The following PDXDC1 variants were observed in gnomAD, a reference collection of about 807,000 sequenced individuals.
PDXDC1 encodes pyridoxal-dependent decarboxylase domain-containing protein 1.
Under a neutral mutation model 100.1 loss-of-function variants are expected in PDXDC1, and 42 were observed. The observed-to-expected ratio is 0.42, with a 90% CI of 0.33 to 0.54. PDXDC1 has a LOEUF of 0.54. Among genes scored for constraint, PDXDC1 ranks in the 20% least tolerant of loss-of-function variants. PDXDC1 has a pLI of 0.10. For synonymous variants in PDXDC1, 260 were observed against 371.7 expected (o/e 0.70, Z 3.46); for missense variants, 636 against 979.2 (o/e 0.65, Z 4.68).
chr16:15,073,066 C>T lies in PDXDC1; in HGVS notation c.1399+43010C>T, dbSNP rs374353637. 5.6e-6 allele frequency: 9 copies of T among 1,610,094 alleles called. No individual in the cohort carries two copies. The highest frequency in any genetic ancestry group is 5.1e-5 in the Admixed American group (3 of 58,782). On this transcript the variant is annotated intron_variant, in intron 16 of 16. Transcript: ENST00000535621. ...TCGCGATATAGATCCTTTGTTTTGC[C>T]GTTATCAACCTTACCTATGGAGAAA...
chr16:14,999,173 TCTC>T (rs1471577920), intron 3 of PDXDC1, among the ~76,000 whole-genome samples: 1 of 152,270 alleles, frequency 6.6e-6, no homozygotes, highest in Non-Finnish European at 1.5e-5. Context: ...TTCAAGTGAT[TCTC>T]CTGCCTCAGC....
At chr16:14,975,294 G>A in intron 1 of PDXDC1, 74 bp downstream of exon 1, 1 of 1,376,276 alleles carries the variant, frequency 7.3e-7, no homozygotes, top group Non-Finnish European at 9.3e-7. Context: ...CTGTTTCCCA[G>A]TCGCGAGCTG....
chr16:15,102,976 C>T (rs1343379756), intron 16 of PDXDC1, among the ~76,000 whole-genome samples: 8 of 144,794 alleles, frequency 5.5e-5, no homozygotes, highest in Non-Finnish European at 1.1e-4. Flanking sequence ...GGCATGCTGG[C>T]GTGTGCCTGT....
chr16:15,088,391 T>C (rs529949137), intron 16 of PDXDC1, among the ~76,000 whole-genome samples: 6 of 152,126 alleles, frequency 3.9e-5, no homozygotes, highest in Non-Finnish European at 7.4e-5. Context: ...TGCTTGAGCC[T>C]GGGAGGTTGA....
chr16:15,131,829 G>A (rs1209798839), intron 16 of PDXDC1: 10 of 358,026 alleles, frequency 2.8e-5, no homozygotes, highest in Admixed American at 1.8e-4. Context: ...GGCAGAGAGC[G>A]AGGTGCAGGC....
intron 16 of PDXDC1, chr16:15,061,620 C>G (rs1290384914): frequency 1.2e-6 from 1 of 839,742 alleles, no homozygotes; most frequent in African/African-American, 1.7e-5. Flanking sequence ...GGAAGTGCCA[C>G]AGCCGAGGCA....
At chr16:15,020,581 T>A (rs1436426666) in intron 12 of PDXDC1, among the ~76,000 whole-genome samples, 1 of 150,520 alleles carries the variant, frequency 6.6e-6, no homozygotes, top group Admixed American at 6.6e-5. Context: ...CCCAGCTACT[T>A]GGGAGGCTGA....
rs763738716 is a variant in PDXDC1 at position 15,017,437 on chromosome 16, A to G, written c.963+15A>G. The G allele has an allele frequency of 1.2e-6, 2 of 1,607,912 alleles. No homozygotes were observed. Among genetic ancestry groups the G allele is most frequent in the South Asian group, 1.1e-5 (1 of 90,774 alleles). On this transcript the variant is annotated intron_variant, in intron 11 of 22. Coordinates refer to ENST00000396410, the MANE Select transcript of PDXDC1 (RefSeq NM_015027.4). ...ACCCTGCCTTGGTAAGTTTCCACTC[A>G]CTGGGGAGGGAGTGGGTGTGGCTAA...
chr16:15,035,231 C>A (rs527745631), intron 21 of PDXDC1, among the ~76,000 whole-genome samples: 2 of 152,322 alleles, frequency 1.3e-5, no homozygotes, highest in African/African-American at 4.8e-5. Flanking sequence ...CCTGGGTGTG[C>A]TTACGCCATA....
chr16:15,147,560 T>C, the PDXDC1 span, among the ~76,000 whole-genome samples: 2 of 152,162 alleles, frequency 1.3e-5, no homozygotes, highest in African/African-American at 4.8e-5. Flanking sequence ...AGAGTTTCAC[T>C]CTGTCTCCCA....
intron 16 of PDXDC1, among the ~76,000 whole-genome samples, chr16:15,066,103 C>A (rs533923119): frequency 2.5e-4 from 38 of 152,330 alleles, no homozygotes; most frequent in Non-Finnish European, 3.7e-4. Flanking sequence ...GTTCTCAGGT[C>A]ACCATGGCAA....
At chr16:15,071,415 A>C (rs1308753261) in intron 16 of PDXDC1, among the ~76,000 whole-genome samples, 2 of 152,224 alleles carry the variant, frequency 1.3e-5, no homozygotes, top group Non-Finnish European at 2.9e-5. Context: ...TATCATTAAA[A>C]ACAAAAGGCA....
At chr16:15,027,723 T>C (rs1045212620) in intron 14 of PDXDC1, among the ~76,000 whole-genome samples, 2 of 152,286 alleles carry the variant, frequency 1.3e-5, no homozygotes, top group African/African-American at 4.8e-5. Flanking sequence ...GCCGGCCTGC[T>C]CTCCATGACC....
intron 12 of PDXDC1, among the ~76,000 whole-genome samples, chr16:15,021,484 T>C (rs2042205038): frequency 6.6e-6 from 1 of 152,294 alleles, no homozygotes; most frequent in Non-Finnish European, 1.5e-5. Context: ...CTTCTTGAGA[T>C]GTGGTTCTTA....
At chr16:15,084,763 T>C (rs1340862643) in intron 16 of PDXDC1, 26 of 1,213,452 alleles carry the variant, frequency 2.1e-5, no homozygotes, top group Non-Finnish European at 2.9e-5. Flanking sequence ...GGCGACACGC[T>C]TGAAGCTAAA....
intron 16 of PDXDC1, chr16:15,135,683 A>C: frequency 3.1e-6 from 5 of 1,595,232 alleles, no homozygotes; most frequent in Non-Finnish European, 4.3e-6. Context: ...CTGGAAACTG[A>C]GCGGCGTCTG....
At chr16:15,092,539 A>G in intron 16 of PDXDC1, 1 of 1,613,242 alleles carries the variant, frequency 6.2e-7, no homozygotes, top group Non-Finnish European at 8.5e-7. Flanking sequence ...CTTCTGTCAC[A>G]GTTCCACCAA....
At chr16:14,987,349 C>CTG (rs1969608439) in intron 1 of PDXDC1, among the ~76,000 whole-genome samples, 1 of 152,290 alleles carries the variant, frequency 6.6e-6, no homozygotes, top group Non-Finnish European at 1.5e-5. Flanking sequence ...GTTAAGAGCA[C>CTG]TGGTCCTAGA....
intron 6 of PDXDC1, among the ~76,000 whole-genome samples, chr16:15,007,157 CTTTTTTTTTTTTTTTTTTTTTT>C (rs56256230): frequency 1.4e-5 from 1 of 73,918 alleles, no homozygotes; most frequent in African/African-American, 5.4e-5. Flanking sequence ...AAGAGCATGA[CTTTTTTTTTTTTTTTTTTTTTT>C]TTTTTTTTTG....
Sources: gnomAD v4.1 joint callset for allele counts (sites outside exome capture counted in the v4.1 genomes callset) on GRCh38, gnomAD v4.1.1 for gene constraint, MANE v1.5 for transcripts, NCBI Gene and HGNC (gene_info 2026-07-23, HGNC 2026-07-21) for gene names.